SLC25A21: variants seen among roughly 807,000 people sequenced by gnomAD.
The protein encoded by SLC25A21 is mitochondrial 2-oxodicarboxylate carrier.
A neutral mutation model predicts 43.8 loss-of-function variants in SLC25A21; 47 were observed. That is an observed-to-expected ratio of 1.07 (90% confidence interval 0.85 to 1.37). The LOEUF is 1.37. Among genes scored for constraint, SLC25A21 ranks in the 40% most tolerant of loss-of-function variants. The probability of loss-of-function intolerance (pLI) is 0.00; values close to 1 mark genes in which losing one functional copy is unlikely to be tolerated. For missense variants in SLC25A21, 352 were observed against 350.2 expected, an observed-to-expected ratio of 1.00 and a Z score of -0.04; for synonymous variants, 131 against 121.3, an observed-to-expected ratio of 1.08 and a Z score of -0.52.
intron 1 of SLC25A21, among the ~76,000 whole-genome samples, chr14:36,973,450 C>T (rs1296757852): frequency 6.6e-6 from 1 of 152,156 alleles, no homozygotes; most frequent in Non-Finnish European, 1.5e-5. Flanking sequence ...GTAAAGAAAA[C>T]AGAAAAGTTG....
At chr14:37,041,828 A>G (rs1961478611) in intron 1 of SLC25A21, among the ~76,000 whole-genome samples, 1 of 152,222 alleles carries the variant, frequency 6.6e-6, no homozygotes, top group Non-Finnish European at 1.5e-5. Flanking sequence ...TAGGAACTCC[A>G]GTTCTCTCAA....
At chr14:36,700,713 T>C (rs1365713830) in intron 7 of SLC25A21, among the ~76,000 whole-genome samples, 1 of 152,242 alleles carries the variant, frequency 6.6e-6, no homozygotes, top group Non-Finnish European at 1.5e-5. Flanking sequence ...TCCTCTTGTG[T>C]ATTTACTGAG....
rs139250576 is a variant in SLC25A21, at chr14:37,098,697, TTAGATAGATAGATAGATAGATAGATAGA to T, written c.70+73556_70+73583del. On this transcript the variant is annotated intron_variant, in intron 1 of 9. Transcript: ENST00000331299. ...CTAATTGATTCTCCTTATAGGACGA[TTAGATAGATAGATAGATAGATAGATAGA>T]TAGATAGATAGATAGATAGATAGAC... is the stretch of plus-strand genomic sequence containing the variant. 41 of 117,314 alleles carry T rather than the reference TTAGATAGATAGATAGATAGATAGATAGA, an allele frequency of 3.5e-4. 2 individuals carry two copies. Among genetic ancestry groups the T allele is most frequent in the African/African-American group, 1.0e-3 (35 of 35,006 alleles). The allele number at this position is 117,314 out of a possible 1,614,324, so 7.3% of individuals were successfully genotyped here.
intron 3 of SLC25A21, among the ~76,000 whole-genome samples, chr14:36,779,537 G>T (rs1276852085): frequency 7.8e-6 from 1 of 127,514 alleles, no homozygotes; most frequent in African/African-American, 2.8e-5. Flanking sequence ...CTATATATAA[G>T]AATAAACATA....
At chr14:36,928,808 C>T (rs1892204772) in intron 1 of SLC25A21, among the ~76,000 whole-genome samples, 2 of 152,120 alleles carry the variant, frequency 1.3e-5, no homozygotes, top group Non-Finnish European at 2.9e-5. Flanking sequence ...AAAAATCATT[C>T]TGAAGAAATG....
At chr14:37,172,097 C>A in intron 1 of SLC25A21, 184 bp downstream of exon 1, 1 of 622,686 alleles carries the variant, frequency 1.6e-6, no homozygotes, top group East Asian at 2.9e-5. Context: ...GCACCCACTA[C>A]TCGCAATCAA....
intron 1 of SLC25A21, among the ~76,000 whole-genome samples, chr14:37,058,247 AAC>A (rs1419060619): frequency 6.6e-6 from 1 of 152,196 alleles, no homozygotes; most frequent in Non-Finnish European, 1.5e-5. Flanking sequence ...TAGTGATGAA[AAC>A]ACAGTTCATA....
intron 7 of SLC25A21, among the ~76,000 whole-genome samples, chr14:36,694,825 T>C (rs1432979338): frequency 6.6e-6 from 1 of 152,212 alleles, no homozygotes; most frequent in Non-Finnish European, 1.5e-5. Flanking sequence ...GTCGGATGGG[T>C]TGATTGCAAA....
intron 3 of SLC25A21, among the ~76,000 whole-genome samples, chr14:36,749,387 T>A (rs1465106490): frequency 3.9e-5 from 6 of 152,184 alleles, no homozygotes; most frequent in African/African-American, 1.4e-4. Flanking sequence ...ATGTCTACTA[T>A]CCTGGTGTAA....
chr14:36,971,827 A>G (rs1405330701), intron 1 of SLC25A21, among the ~76,000 whole-genome samples: 3 of 152,042 alleles, frequency 2.0e-5, no homozygotes, highest in Non-Finnish European at 4.4e-5. Flanking sequence ...ATTATTTCCT[A>G]CTTTCTTCCT....
chr14:36,801,389 T>A (rs974048406), intron 3 of SLC25A21, among the ~76,000 whole-genome samples: 8 of 152,186 alleles, frequency 5.3e-5, no homozygotes, highest in Admixed American at 2.6e-4. Flanking sequence ...CCATTTGGCA[T>A]CCCTGAACAC....
intron 1 of SLC25A21, among the ~76,000 whole-genome samples, chr14:36,939,518 A>G (rs1403290914): frequency 6.6e-6 from 1 of 152,146 alleles, no homozygotes; most frequent in African/African-American, 2.4e-5. Flanking sequence ...GTGACATACT[A>G]TCTCCAGGTT....
chr14:37,091,526 T>C (rs34781881), intron 1 of SLC25A21, among the ~76,000 whole-genome samples: 34,048 of 151,218 alleles, frequency 0.23, 4,354 homozygotes, highest in Non-Finnish European at 0.28. Context: ...CCCCAACACA[T>C]AGCACTAAAT....
chr14:36,700,408 A>G lies in SLC25A21; in HGVS notation c.603+10910T>C, dbSNP rs116424620. Among the ~76,000 whole-genome samples, 237 of 152,336 alleles carry G rather than the reference A, an allele frequency of 1.6e-3. 2 individuals carry two copies. Among genetic ancestry groups the G allele is most frequent in the African/African-American group, 5.6e-3 (233 of 41,580 alleles). ...TTTAGATCTGACATTGATATGGACA[A>G]ATGTGATGCACTATAGTAGGACAGA... On this transcript the variant is annotated intron_variant, in intron 7 of 9. Transcript: ENST00000331299.
intron 3 of SLC25A21, among the ~76,000 whole-genome samples, chr14:36,765,347 A>C (rs771620477): frequency 2.3e-4 from 35 of 152,220 alleles, no homozygotes; most frequent in Admixed American, 1.4e-3. Flanking sequence ...TCAGCTGACT[A>C]CATGGAGCAG....
chr14:36,900,864 T>C (rs1891379667), intron 1 of SLC25A21, among the ~76,000 whole-genome samples: 1 of 152,174 alleles, frequency 6.6e-6, no homozygotes, highest in Non-Finnish European at 1.5e-5. Flanking sequence ...ATTTTGATTA[T>C]TAAAACTGTG....
intron 1 of SLC25A21, among the ~76,000 whole-genome samples, chr14:37,028,486 C>A (rs1360041180): frequency 6.6e-6 from 1 of 152,042 alleles, no homozygotes; most frequent in Non-Finnish European, 1.5e-5. Context: ...GTGATGGTAT[C>A]TTTTTATTGA....
At chr14:37,065,914 C>T (rs915767372) in intron 1 of SLC25A21, among the ~76,000 whole-genome samples, 3 of 152,014 alleles carry the variant, frequency 2.0e-5, no homozygotes, top group South Asian at 2.1e-4. Context: ...TAATTTGAAA[C>T]GAATGGTTTT....
intron 1 of SLC25A21, among the ~76,000 whole-genome samples, chr14:36,921,409 G>T (rs1347843496): frequency 6.6e-6 from 1 of 152,028 alleles, no homozygotes; most frequent in Non-Finnish European, 1.5e-5. Context: ...TATCCTCAAT[G>T]AATAAGAACG....
Sources: gnomAD v4.1 joint callset for allele counts (sites outside exome capture counted in the v4.1 genomes callset) on GRCh38, gnomAD v4.1.1 for gene constraint, MANE v1.5 for transcripts, NCBI Gene and HGNC (gene_info 2026-07-23, HGNC 2026-07-21) for gene names.